Variants in LRRTM4 observed in about 807,000 individuals in gnomAD.
LRRTM4 encodes leucine-rich repeat transmembrane neuronal protein 4.
LRRTM4 carries 25 observed loss-of-function variants against 47.6 expected under a neutral mutation model. The observed-to-expected ratio is 0.53, with a 90% CI of 0.38 to 0.73. The LOEUF is 0.73. Among genes scored for constraint, LRRTM4 ranks in the 30% least tolerant of loss-of-function variants. The pLI is 0.00. For missense variants in LRRTM4, 638 were observed against 713.4 expected (o/e 0.89, Z 1.20); for synonymous variants, 311 against 269.5 (o/e 1.15, Z -1.51).
intron 3 of LRRTM4, among the ~76,000 whole-genome samples, chr2:76,925,464 G>A (rs1674560886): frequency 1.3e-5 from 2 of 152,192 alleles, no homozygotes; most frequent in African/African-American, 4.8e-5. Context: ...CTGGCTTTCT[G>A]ACCTATAGAA....
chr2:76,800,975 A>G (rs1295100731), intron 3 of LRRTM4, among the ~76,000 whole-genome samples: 1 of 149,672 alleles, frequency 6.7e-6, no homozygotes. Flanking sequence ...ACCATCTCAC[A>G]CCAGTTAGAA....
At chr2:76,945,567 T>C (rs1921627) in intron 3 of LRRTM4, among the ~76,000 whole-genome samples, 37,888 of 151,982 alleles carry the variant, frequency 0.25, 5,628 homozygotes, top group East Asian at 0.58. Context: ...TACAAAGTCT[T>C]TTTAACCTAA....
At chr2:77,389,939 A>G (rs1180213813) in intron 3 of LRRTM4, among the ~76,000 whole-genome samples, 1 of 152,088 alleles carries the variant, frequency 6.6e-6, no homozygotes, top group Non-Finnish European at 1.5e-5. Flanking sequence ...TGATGATCAC[A>G]TCAGTGCTAC....
intron 3 of LRRTM4, among the ~76,000 whole-genome samples, chr2:77,483,379 A>T (rs911604203): frequency 6.6e-6 from 1 of 152,010 alleles, no homozygotes; most frequent in Admixed American, 6.6e-5. Context: ...CTCTCTCTGT[A>T]GCCCATGCTG....
chr2:77,475,780 G>A (rs1677363652), intron 3 of LRRTM4, among the ~76,000 whole-genome samples: 1 of 150,970 alleles, frequency 6.6e-6, no homozygotes, highest in South Asian at 2.1e-4. Context: ...AGTTTTTGGT[G>A]TAATTAGTAT....
intron 3 of LRRTM4, among the ~76,000 whole-genome samples, chr2:76,823,515 C>T (rs1372865350): frequency 2.0e-5 from 3 of 151,338 alleles, no homozygotes. Context: ...TGTTGGAGAG[C>T]ATTTAGTTAA....
At chr2:77,334,301 G>A (rs577176886) in intron 3 of LRRTM4, among the ~76,000 whole-genome samples, 1 of 152,078 alleles carries the variant, frequency 6.6e-6, no homozygotes, top group African/African-American at 2.4e-5. Context: ...GAGGAAATGA[G>A]ATTTAGGAGT....
At chr2:77,185,653 A>T (rs978495303) in intron 3 of LRRTM4, among the ~76,000 whole-genome samples, 3 of 152,126 alleles carry the variant, frequency 2.0e-5, no homozygotes, top group African/African-American at 7.2e-5. Flanking sequence ...TCAAACTTTA[A>T]ATTACAGGAA....
chr2:77,384,259 T>C (rs1673175334), intron 3 of LRRTM4, among the ~76,000 whole-genome samples: 1 of 151,578 alleles, frequency 6.6e-6, no homozygotes, highest in African/African-American at 2.4e-5. Context: ...ACACAACATA[T>C]AGTTTGATAG....
intron 3 of LRRTM4, among the ~76,000 whole-genome samples, chr2:77,079,174 A>G (rs1006359819): frequency 6.6e-6 from 1 of 152,228 alleles, no homozygotes; most frequent in Non-Finnish European, 1.5e-5. Context: ...GACATAAGGG[A>G]AACTGTTTTC....
intron 3 of LRRTM4, among the ~76,000 whole-genome samples, chr2:77,025,362 C>T (rs1352210487): frequency 6.6e-6 from 1 of 152,110 alleles, no homozygotes; most frequent in East Asian, 1.9e-4. Context: ...TCCTTCTATT[C>T]CTAATGAGCA....
intron 3 of LRRTM4, among the ~76,000 whole-genome samples, chr2:77,044,947 G>A (rs1679185874): frequency 6.6e-6 from 1 of 151,788 alleles, no homozygotes; most frequent in South Asian, 2.1e-4. Context: ...GTGTGTGTAT[G>A]TGGCACAAAT....
At chr2:77,416,002 T>C (rs1194631400) in intron 3 of LRRTM4, among the ~76,000 whole-genome samples, 1 of 152,174 alleles carries the variant, frequency 6.6e-6, no homozygotes, top group Non-Finnish European at 1.5e-5. Context: ...TAAGTCTATA[T>C]AATTGGCTAA....
chr2:77,332,593 T>G (rs1351550177), intron 3 of LRRTM4, among the ~76,000 whole-genome samples: 2 of 152,214 alleles, frequency 1.3e-5, no homozygotes, highest in Non-Finnish European at 2.9e-5. Context: ...CTAATCATAT[T>G]TATTTTTAGA....
chr2:77,435,552 G>T (rs7591432), intron 3 of LRRTM4, among the ~76,000 whole-genome samples: 5,205 of 152,036 alleles, frequency 0.034, 286 homozygotes, highest in African/African-American at 0.12. Flanking sequence ...TTGTTTAAAG[G>T]TCATGCAAAG....
intron 3 of LRRTM4, among the ~76,000 whole-genome samples, chr2:76,757,493 A>G (rs1409369642): frequency 1.3e-5 from 2 of 152,138 alleles, no homozygotes; most frequent in East Asian, 1.9e-4. Flanking sequence ...AGCTTATTAC[A>G]TTAGCAGCAC....
intron 3 of LRRTM4, among the ~76,000 whole-genome samples, chr2:76,892,787 A>G (rs1366645478): frequency 1.3e-5 from 2 of 151,726 alleles, no homozygotes; most frequent in Non-Finnish European, 3.0e-5. Context: ...GAAATGAAGT[A>G]TGTATCATTT....
At chr2:77,124,052 G>A (rs191300958) in intron 3 of LRRTM4, among the ~76,000 whole-genome samples, 188 of 152,056 alleles carry the variant, frequency 1.2e-3, no homozygotes, top group African/African-American at 4.1e-3. Flanking sequence ...GTTTGTGAGT[G>A]AAGTAGTGAT....
intron 3 of LRRTM4, among the ~76,000 whole-genome samples, chr2:76,776,673 A>G (rs1415435334): frequency 6.8e-6 from 1 of 148,054 alleles, no homozygotes; most frequent in Non-Finnish European, 1.5e-5. Context: ...TTGTCAGATG[A>G]GTAGGTTGCG....
Sources: gnomAD v4.1 joint callset for allele counts (sites outside exome capture counted in the v4.1 genomes callset) on GRCh38, gnomAD v4.1.1 for gene constraint, MANE v1.5 for transcripts, NCBI Gene and HGNC (gene_info 2026-07-23, HGNC 2026-07-21) for gene names.